ATAD2B: variants seen among roughly 807,000 people sequenced by gnomAD.
ATAD2B encodes the protein ATPase family AAA domain-containing protein 2B.
A neutral mutation model predicts 167.6 loss-of-function variants in ATAD2B; 40 were observed. That is an observed-to-expected ratio of 0.24 (90% CI 0.19 to 0.31). The LOEUF (loss-of-function observed/expected upper bound fraction) is 0.31, where lower values mean the gene tolerates loss of function less well. Ranked by LOEUF, ATAD2B falls within the 10% of genes least tolerant of loss-of-function variation. The pLI, the probability that ATAD2B is intolerant of heterozygous loss-of-function variation, is 1.00. For synonymous variants in ATAD2B, 579 were observed against 596.5 expected, an observed-to-expected ratio of 0.97 and a Z score of 0.43; for missense variants, 1,242 against 1,757.2, an observed-to-expected ratio of 0.71 and a Z score of 5.24.
chr2:23,903,732 T>A (rs1318023411), intron 1 of ATAD2B, among the ~76,000 whole-genome samples: 1 of 152,162 alleles, frequency 6.6e-6, no homozygotes, highest in Non-Finnish European at 1.5e-5. Flanking sequence ...TGAAGCCAAG[T>A]ATAGCATTTA....
At position 23,864,906 on chromosome 2, in the gene ATAD2B, C is replaced by A; in HGVS notation, c.1207G>T (p.Gly403Cys). The A allele has an allele frequency of 6.3e-7, 1 of 1,591,346 alleles. No homozygotes were observed. Among genetic ancestry groups the A allele is most frequent in the Admixed American group, 1.8e-5 (1 of 56,676 alleles). Residue 403 changes from glycine to cysteine, a missense_variant, in exon 11 of 28, where the codon GGT becomes TGT. Gly to Cys is a radical substitution (Grantham distance 159, BLOSUM62 -3). Coordinates refer to ENST00000238789, the MANE Select transcript of ATAD2B (RefSeq NM_017552.4). The part of the protein sequence containing the change: ...IDKSVRFDSI[G>C]GLSHHIHALK... ...GCATGAATATGATGGCTCAATCCACCTATGCTATCAAACCGTACCTTGGAA... is the reference window on the plus strand; with the variant it reads ...GCATGAATATGATGGCTCAATCCACATATGCTATCAAACCGTACCTTGGAA...
In ATAD2B at chr2:23,767,864, C is replaced by T. The variant is rs566091527; in HGVS notation, c.3134-2236G>A. Among the ~76,000 whole-genome samples, 8 of 149,126 alleles carry T rather than the reference C, an allele frequency of 5.4e-5. No homozygotes were observed. In the South Asian group the frequency reaches 1.1e-3, roughly 20 times the overall value. Reference sequence around the variant, plus strand: ...GCTTCTTGCATAAAAAATGGGGAGACGGACATACTATTTATAAAGATGCAA... The same window carrying T: ...GCTTCTTGCATAAAAAATGGGGAGATGGACATACTATTTATAAAGATGCAA... On this transcript the variant is annotated intron_variant, in intron 22 of 27. Coordinates refer to ENST00000238789, the MANE Select transcript of ATAD2B (RefSeq NM_017552.4).
chr2:23,718,943 C>G, the ATAD2B span, among the ~76,000 whole-genome samples: 3 of 152,200 alleles, frequency 2.0e-5, no homozygotes, highest in Non-Finnish European at 2.9e-5. Flanking sequence ...TTACACTGGG[C>G]CCACACACTA....
chr2:23,701,793 C>CTTTTTTTTTTTTTTTT, the ATAD2B span, among the ~76,000 whole-genome samples: 5 of 22,544 alleles, frequency 2.2e-4, 2 homozygotes, highest in Non-Finnish European at 2.0e-4. Flanking sequence ...CTTTTTTTTG[C>CTTTTTTTTTTTTTTTT]TTTTTTTTTT....
chr2:23,748,828 A>G lies in ATAD2B; in HGVS notation c.*3218T>C, dbSNP rs1675067078. 2 of 152,172 alleles carry G rather than the reference A, an allele frequency of 1.3e-5. No individual in the cohort carries two copies. The highest frequency in any genetic ancestry group is 2.4e-5 in the African/African-American group (1 of 41,448). The allele number at this position is 152,172 out of a possible 1,614,324, so 9.4% of individuals were successfully genotyped here. On this transcript the variant is annotated 3_prime_UTR_variant, in exon 28 of 28. Coordinates refer to ENST00000238789, the MANE Select transcript of ATAD2B (RefSeq NM_017552.4). Reference sequence around the variant, plus strand: ...TAACACAATTCTAAATTAAAACTACAAACCCAAAATAGACCATAGTTGATG... The same window carrying G: ...TAACACAATTCTAAATTAAAACTACGAACCCAAAATAGACCATAGTTGATG...
the ATAD2B span, among the ~76,000 whole-genome samples, chr2:23,736,936 C>A: frequency 1.3e-5 from 2 of 152,190 alleles, no homozygotes; most frequent in Non-Finnish European, 2.9e-5. Flanking sequence ...CAAGGAGTCT[C>A]CCTCATTGCT....
intron 14 of ATAD2B, among the ~76,000 whole-genome samples, chr2:23,829,626 A>G (rs1688749637): frequency 6.6e-6 from 1 of 152,088 alleles, no homozygotes; most frequent in South Asian, 2.1e-4. Flanking sequence ...ATGGTGGTGC[A>G]CGCCTGTGGT....
At chr2:23,710,956 TAAC>T in the ATAD2B span, among the ~76,000 whole-genome samples, 1 of 152,140 alleles carries the variant, frequency 6.6e-6, no homozygotes, top group Non-Finnish European at 1.5e-5. Flanking sequence ...TTACTGACAC[TAAC>T]AACATGCCCG....
At position 23,842,691 on chromosome 2, in the gene ATAD2B, AC is replaced by A. The variant is rs1380907145; in HGVS notation, c.1569-8614del. Among the ~76,000 whole-genome samples the A allele has an allele frequency of 2.0e-5, 3 of 152,298 alleles. No homozygotes were observed. In the South Asian group the frequency reaches 6.2e-4, roughly 32 times the overall value. ...TTAATATTAAAGAATAAGGGGGACC[AC>A]AAAAGGGCAAGAGCTAGTAAGGACA... is the stretch of plus-strand genomic sequence containing the variant. On this transcript the variant is annotated intron_variant, in intron 13 of 27. Transcript: ENST00000238789.
chr2:23,762,261 G>A lies in ATAD2B; in HGVS notation c.3342C>T (p.His1114=), dbSNP rs374689570. 6.2e-7 allele frequency: 1 copy of A among 1,613,460 alleles called. No homozygotes were observed. Among genetic ancestry groups the A allele is most frequent in the Non-Finnish European group, 8.5e-7 (1 of 1,179,710 alleles). ...TETRVEEAFR[H]KQRNPMDVWH... ...ACACATCCATTGGATTTCTTTGTTT[G>A]TGCCGAAATGCCTCTTCGACTCTAG... is the stretch of plus-strand genomic sequence containing the variant. Residue 1114 remains histidine, a synonymous_variant, in exon 24 of 28, where the codon CAC becomes CAT. Coordinates refer to ENST00000238789, the MANE Select transcript of ATAD2B (RefSeq NM_017552.4).
At chr2:23,691,502 C>T in the ATAD2B span, 1 of 611,602 alleles carries the variant, frequency 1.6e-6, no homozygotes. Flanking sequence ...TGGTCAGACT[C>T]TTCTCTTTCA....
chr2:23,759,628 T>A (rs940096342), intron 24 of ATAD2B, among the ~76,000 whole-genome samples: 1 of 152,222 alleles, frequency 6.6e-6, no homozygotes, highest in African/African-American at 2.4e-5. Flanking sequence ...AAATTCAGGT[T>A]ATTGAGTCAT....
At position 23,875,885 on chromosome 2, in the gene ATAD2B, C is replaced by CT; in HGVS notation, c.920dup (p.Arg308GlufsTer7). On this transcript the variant is annotated frameshift_variant, in exon 8 of 28. Coordinates refer to ENST00000238789, the MANE Select transcript of ATAD2B (RefSeq NM_017552.4). LOFTEE classifies it high-confidence loss of function. ...GAATATCAAACAGCGTGTTTTCCCTCTTTTTTTGATGAGCTGGTACTAAAA... is the reference window on the plus strand; with the variant it reads ...GAATATCAAACAGCGTGTTTTCCCTCTTTTTTTTGATGAGCTGGTACTAAAA... The CT allele has an allele frequency of 6.2e-7, 1 of 1,608,224 alleles. No individual in the cohort carries two copies. Among genetic ancestry groups the CT allele is most frequent in the Admixed American group, 1.7e-5 (1 of 59,432 alleles).
chr2:23,921,211 A>AC, intron 1 of ATAD2B, among the ~76,000 whole-genome samples: 1 of 148,740 alleles, frequency 6.7e-6, no homozygotes, highest in Non-Finnish European at 1.5e-5. Flanking sequence ...ATCTCAAAAA[A>AC]AAAAAAAAAA....
At chr2:23,881,731 CT>C (rs922074941) in intron 6 of ATAD2B, among the ~76,000 whole-genome samples, 2 of 150,390 alleles carry the variant, frequency 1.3e-5, no homozygotes, top group Admixed American at 6.6e-5. Context: ...AAAGGTTTTT[CT>C]TTTTTTTTGA....
rs1263647261 is a variant in ATAD2B, at chr2:23,751,730, C to T, written c.*316G>A. On this transcript the variant is annotated 3_prime_UTR_variant, in exon 28 of 28. Transcript: ENST00000238789. ...CTGGTCTGCTCCCTAAGAGAGGAGT[C>T]TCCAAAAGAGAGTGCACAAAAAGAG... 5.7e-6 allele frequency: 2 copies of T among 349,290 alleles called. No individual in the cohort carries two copies. Among genetic ancestry groups the T allele is most frequent in the African/African-American group, 4.3e-5 (2 of 46,102 alleles). The allele number at this position is 349,290 out of a possible 1,614,324, so 21.6% of individuals were successfully genotyped here.
At chr2:23,849,784 G>A (rs1692267535) in intron 13 of ATAD2B, among the ~76,000 whole-genome samples, 1 of 151,912 alleles carries the variant, frequency 6.6e-6, no homozygotes, top group African/African-American at 2.4e-5. Flanking sequence ...GCCAGACAGA[G>A]CCACTGCACT....
Position 23,757,969 on chromosome 2 carries a change from C to T in ATAD2B, c.3527G>A (p.Arg1176Lys), listed in dbSNP as rs745714751. The T allele has an allele frequency of 2.5e-6, 4 of 1,613,652 alleles. No homozygotes were observed. The highest frequency in any genetic ancestry group is 3.4e-6 in the Non-Finnish European group (4 of 1,179,726). ...AAACTCTCCATTCTCTAATAATTTC[C>T]TGTCCTCCGTATGGTTCTCATAGTC... ...FADYENHTED[R>K]KLLENGEFEV... Residue 1176 changes from arginine (R) to lysine (K), a missense_variant, in exon 25 of 28, where the codon AGG becomes AAG. Around this residue, in one of 9 missense-constraint regions of ATAD2B, gnomAD observed 282 missense variants for 346.8 expected, o/e 0.81. Coordinates refer to ENST00000238789, the MANE Select transcript of ATAD2B (RefSeq NM_017552.4).
At chr2:23,691,202 G>A in the ATAD2B span, 6 of 198,564 alleles carry the variant, frequency 3.0e-5, no homozygotes, top group South Asian at 2.0e-4. Flanking sequence ...GTCCTGGGGC[G>A]ATCAGAGGAT....
Sources: allele counts gnomAD v4.1 joint callset (sites outside exome capture counted in the v4.1 genomes callset), GRCh38; gene constraint gnomAD v4.1.1; regional missense constraint gnomAD v4.1.1; transcripts MANE v1.5; gene names NCBI Gene and HGNC (gene_info 2026-07-23, HGNC 2026-07-21).